The following TMX2 variants were observed in gnomAD, a reference collection of about 807,000 sequenced individuals.
The protein encoded by TMX2 is thioredoxin related transmembrane protein 2.
In TMX2, 20 loss-of-function variants were observed where a neutral mutation model predicts 33.4. That is an observed-to-expected ratio of 0.60 (90% CI 0.42 to 0.87). The LOEUF is 0.87. Among genes scored for constraint, TMX2 ranks in the 40% least tolerant of loss-of-function variants. The probability of loss-of-function intolerance (pLI) is 0.00; values close to 1 mark genes in which losing one functional copy is unlikely to be tolerated. For missense variants in TMX2, 340 were observed against 370.7 expected, an observed-to-expected ratio of 0.92 and a Z score of 0.68; for synonymous variants, 166 against 140.7, an observed-to-expected ratio of 1.18 and a Z score of -1.27.
At position 57,731,136 on chromosome 11, in the gene TMX2, T is replaced by G. The variant is rs1475567774; in HGVS notation, c.190-6472T>G. ...GTTTTTTGTTTTTTGTTTTTTTTTT[T>G]TTTTTTTTTTTTTTTTTGAGATCCA... On this transcript the variant is annotated intron_variant, in intron 1 of 7. Coordinates refer to ENST00000278422, the MANE Select transcript of TMX2 (RefSeq NM_015959.4). 4.6e-4 allele frequency among the ~76,000 whole-genome samples: 63 copies of G among 137,804 alleles called. No individual in the cohort carries two copies. The East Asian group carries it at 9.5e-3, about 21-fold the overall frequency. The allele number at this position is 137,804 out of a possible 152,430, so 90.4% of individuals were successfully genotyped here.
At chr11:57,723,360 G>A (rs1947760778) in intron 1 of TMX2, among the ~76,000 whole-genome samples, 1 of 151,800 alleles carries the variant, frequency 6.6e-6, no homozygotes, top group African/African-American at 2.4e-5. Flanking sequence ...GTATGCACCT[G>A]TAATCCCAGC....
chr11:57,738,790 G>A lies in TMX2; in HGVS notation c.548+20G>A. ...CCTTAAGTGAGTAGTGCAAAGGGAG[G>A]GATGGTGGAAATGGAGATGCTGTGC... On this transcript the variant is annotated intron_variant, in intron 5 of 7. Transcript: ENST00000278422. 1 of 1,601,102 alleles carries A rather than the reference G, an allele frequency of 6.2e-7. No individual in the cohort carries two copies. The highest frequency in any genetic ancestry group is 1.3e-5 in the African/African-American group (1 of 74,760).
intron 1 of TMX2, among the ~76,000 whole-genome samples, chr11:57,723,888 ATTT>A (rs71470288): frequency 2.7e-5 from 4 of 146,012 alleles, no homozygotes; most frequent in African/African-American, 2.5e-5. Context: ...AACTAAATGG[ATTT>A]TTTTTTTTTA....
chr11:57,739,482 G>A (rs1481839868), intron 7 of TMX2, among the ~76,000 whole-genome samples: 1 of 152,218 alleles, frequency 6.6e-6, no homozygotes, highest in Non-Finnish European at 1.5e-5. Context: ...CTCAGGCCAG[G>A]CACGGTGGCT....
intron 3 of TMX2, 128 bp from the exon 4 acceptor site, chr11:57,738,226 G>A: frequency 2.6e-6 from 2 of 778,378 alleles, no homozygotes; most frequent in Non-Finnish European, 4.3e-6. Context: ...GGTAGGGAAT[G>A]TGTTGGTGGT....
chr11:57,732,389 A>G (rs534872103), intron 1 of TMX2, among the ~76,000 whole-genome samples: 1 of 152,260 alleles, frequency 6.6e-6, no homozygotes, highest in South Asian at 2.1e-4. Context: ...CCCAAACTGT[A>G]TAATCAATTA....
At chr11:57,738,108 A>G in intron 3 of TMX2, 82 bp downstream of exon 3, 1 of 1,127,520 alleles carries the variant, frequency 8.9e-7, no homozygotes, top group Non-Finnish European at 1.3e-6. Flanking sequence ...CAGTCCCAAC[A>G]GTTGCAATCC....
chr11:57,733,427 T>G (rs1169135814), intron 1 of TMX2, among the ~76,000 whole-genome samples: 3 of 151,914 alleles, frequency 2.0e-5, no homozygotes, highest in Non-Finnish European at 4.4e-5. Flanking sequence ...GCTGACTTTT[T>G]GTGTGTTTTT....
Position 57,712,861 on chromosome 11 carries a change from G to T in TMX2, c.189+54G>T, listed in dbSNP as rs1946704081. On this transcript the variant is annotated intron_variant, in intron 1 of 7. Coordinates refer to ENST00000278422, the MANE Select transcript of TMX2 (RefSeq NM_015959.4). ...GACCTTGACTGTCCCTGCCCTTGCA[G>T]GTGTATCTGGGAACCCTGGGGTTTA... 1.9e-5 allele frequency: 31 copies of T among 1,599,688 alleles called. No homozygotes were observed. The South Asian group carries it at 3.3e-4, about 17-fold the overall frequency.
In TMX2 at chr11:57,738,979, A is replaced by C. The variant is rs768799368; in HGVS notation, c.554A>C (p.Asn185Thr). The change falls in exon 6 of 8, where the codon AAC becomes ACC. Residue 185 changes from asparagine to threonine, a missense_variant. Transcript: ENST00000278422. ...AAATAATATATTCTTTTCAGATACA[A>C]CTGTACAGGGCTAAATTTTGGGAAG... is the stretch of plus-strand genomic sequence containing the variant. Reference protein sequence around the residue: ...PIYADLSLKYNCTGLNFGKVD... With the variant: ...PIYADLSLKYTCTGLNFGKVD... The C allele has an allele frequency of 2.5e-6, 4 of 1,613,610 alleles. No individual in the cohort carries two copies. The highest frequency in any genetic ancestry group is 1.7e-5 in the Admixed American group (1 of 59,966).
intron 1 of TMX2, among the ~76,000 whole-genome samples, chr11:57,725,844 T>A (rs1328869127): frequency 6.6e-6 from 1 of 152,154 alleles, no homozygotes; most frequent in East Asian, 1.9e-4. Flanking sequence ...AACTATTATG[T>A]GTTACTTCTG....
intron 1 of TMX2, among the ~76,000 whole-genome samples, chr11:57,723,500 C>T (rs945888274): frequency 6.9e-5 from 9 of 130,340 alleles, no homozygotes; most frequent in South Asian, 2.4e-4. Context: ...AAAAATTCAT[C>T]GCAAAAAAAA....
chr11:57,714,101 G>C (rs1946818403), intron 1 of TMX2, among the ~76,000 whole-genome samples: 1 of 152,134 alleles, frequency 6.6e-6, no homozygotes, highest in Non-Finnish European at 1.5e-5. Context: ...ATATTTTGGG[G>C]TGTGAGTCCC....
chr11:57,723,277 C>T (rs537400298), intron 1 of TMX2, among the ~76,000 whole-genome samples: 1 of 149,638 alleles, frequency 6.7e-6, no homozygotes, highest in East Asian at 2.0e-4. Context: ...GTCAGGAGTT[C>T]GAGACCAGCC....
intron 1 of TMX2, among the ~76,000 whole-genome samples, chr11:57,717,445 A>G (rs1947205167): frequency 6.6e-6 from 1 of 151,866 alleles, no homozygotes; most frequent in Non-Finnish European, 1.5e-5. Context: ...CTCCGTCTGC[A>G]ATCCCGGCAC....
At chr11:57,719,308 T>C (rs1390050180) in intron 1 of TMX2, among the ~76,000 whole-genome samples, 1 of 151,716 alleles carries the variant, frequency 6.6e-6, no homozygotes, top group African/African-American at 2.4e-5. Flanking sequence ...GTGCTGGGAT[T>C]ACAGGCATGA....
At chr11:57,734,140 C>A in intron 1 of TMX2, among the ~76,000 whole-genome samples, 1 of 108,290 alleles carries the variant, frequency 9.2e-6, no homozygotes, top group African/African-American at 3.6e-5. Context: ...GCCTGGGTGA[C>A]AGAGAGACCC....
intron 1 of TMX2, among the ~76,000 whole-genome samples, chr11:57,723,188 A>G (rs527919501): frequency 1.3e-5 from 2 of 152,272 alleles, no homozygotes; most frequent in East Asian, 3.9e-4. Flanking sequence ...TTAAGAAACT[A>G]AGTGGCTTGG....
intron 1 of TMX2, among the ~76,000 whole-genome samples, chr11:57,735,084 C>T (rs888836527): frequency 6.6e-6 from 1 of 151,534 alleles, no homozygotes; most frequent in Non-Finnish European, 1.5e-5. Flanking sequence ...GAGCCGAGAT[C>T]ATGCCCCTGC....
Sources: gnomAD v4.1 joint callset for allele counts (sites outside exome capture counted in the v4.1 genomes callset) on GRCh38, gnomAD v4.1.1 for gene constraint, MANE v1.5 for transcripts, NCBI Gene and HGNC (gene_info 2026-07-23, HGNC 2026-07-21) for gene names.